The following DAB1 variants were observed in gnomAD, a reference collection of about 807,000 sequenced individuals.
DAB1 encodes the protein disabled homolog 1.
Under a neutral mutation model 64.6 loss-of-function variants are expected in DAB1, and 15 were observed. That is an observed-to-expected ratio of 0.23 (90% CI 0.16 to 0.36). DAB1 has a LOEUF of 0.36. Ranked by LOEUF, DAB1 falls within the 10% of genes least tolerant of loss-of-function variation. The pLI, the probability that DAB1 is intolerant of heterozygous loss-of-function variation, is 1.00. For missense variants in DAB1, 596 were observed against 706.7 expected, an observed-to-expected ratio of 0.84 and a Z score of 1.78; for synonymous variants, 235 against 251.9, an observed-to-expected ratio of 0.93 and a Z score of 0.64.
chr1:57,840,856 T>C (rs1045122485), intron 1 of DAB1, among the ~76,000 whole-genome samples: 9 of 152,170 alleles, frequency 5.9e-5, no homozygotes, highest in Non-Finnish European at 1.3e-4. Flanking sequence ...AACCAAACCA[T>C]ATCATTCCAC....
intron 4 of DAB1, among the ~76,000 whole-genome samples, chr1:58,318,040 G>C (rs1237810426): frequency 6.6e-6 from 1 of 152,160 alleles, no homozygotes; most frequent in Non-Finnish European, 1.5e-5. Flanking sequence ...ATTAAAGCAA[G>C]GTTAGGGATC....
intron 5 of DAB1, among the ~76,000 whole-genome samples, chr1:57,912,071 T>A (rs915833566): frequency 7.9e-5 from 12 of 152,216 alleles, no homozygotes; most frequent in African/African-American, 2.7e-4. Flanking sequence ...AAGGTTGTTT[T>A]AAAAGTTAAT....
chr1:58,302,871 A>T (rs1473160216), intron 4 of DAB1, among the ~76,000 whole-genome samples: 1 of 152,092 alleles, frequency 6.6e-6, no homozygotes, highest in East Asian at 1.9e-4. Flanking sequence ...CTTTGGCATC[A>T]CCCAGACCAG....
intron 5 of DAB1, among the ~76,000 whole-genome samples, chr1:57,930,518 G>A (rs538341617): frequency 2.3e-4 from 35 of 152,276 alleles, no homozygotes; most frequent in Admixed American, 5.9e-4. Flanking sequence ...TGAACATGAA[G>A]TATCTCTTCA....
chr1:57,956,700 T>C (rs893312386), intron 5 of DAB1, among the ~76,000 whole-genome samples: 4 of 152,128 alleles, frequency 2.6e-5, no homozygotes, highest in African/African-American at 7.2e-5. Context: ...TCGACCAAAA[T>C]AGAGAAGAAG....
chr1:57,057,843 C>T (rs7529974), intron 9 of DAB1, among the ~76,000 whole-genome samples: 3,257 of 152,026 alleles, frequency 0.021, 120 homozygotes, highest in African/African-American at 0.074. Context: ...CTCCTGACCT[C>T]CTGATCCGCC....
intron 2 of DAB1, among the ~76,000 whole-genome samples, chr1:57,243,037 G>C (rs774077066): frequency 2.0e-5 from 3 of 152,138 alleles, no homozygotes; most frequent in Non-Finnish European, 4.4e-5. Flanking sequence ...GAAATGGGTT[G>C]TTACCAGCAC....
intron 5 of DAB1, among the ~76,000 whole-genome samples, chr1:57,906,962 AG>A: frequency 6.6e-6 from 1 of 152,126 alleles, no homozygotes; most frequent in Non-Finnish European, 1.5e-5. Flanking sequence ...ATAGATAGAT[AG>A]ATAGATAGAT....
chr1:57,057,887 C>T (rs550695384), intron 9 of DAB1, among the ~76,000 whole-genome samples: 74 of 152,208 alleles, frequency 4.9e-4, no homozygotes, highest in African/African-American at 9.6e-4. Context: ...GGATTACAGG[C>T]ATGAGCCACC....
chr1:58,213,079 A>G (rs1658639549), intron 4 of DAB1, among the ~76,000 whole-genome samples: 1 of 152,220 alleles, frequency 6.6e-6, no homozygotes, highest in Admixed American at 6.5e-5. Flanking sequence ...ATTTTAAGGT[A>G]AGGACTTGAT....
chr1:58,466,199 G>A (rs1344545910), intron 3 of DAB1, among the ~76,000 whole-genome samples: 1 of 152,156 alleles, frequency 6.6e-6, no homozygotes, highest in East Asian at 1.9e-4. Context: ...GACTCCTCTC[G>A]TGGGCAACCT....
intron 5 of DAB1, among the ~76,000 whole-genome samples, chr1:58,130,871 C>G (rs1653508322): frequency 6.6e-6 from 1 of 152,100 alleles, no homozygotes; most frequent in Non-Finnish European, 1.5e-5. Flanking sequence ...CCCGACCTTT[C>G]TCTCTGGCTG....
At chr1:57,439,723 G>T (rs59909349) in intron 7 of DAB1, among the ~76,000 whole-genome samples, 5,793 of 151,196 alleles carry the variant, frequency 0.038, 139 homozygotes, top group South Asian at 0.059. Flanking sequence ...CACCGCACCC[G>T]GCCAGTGATG....
intron 1 of DAB1, among the ~76,000 whole-genome samples, chr1:57,828,824 T>G (rs1001736033): frequency 6.6e-6 from 1 of 152,194 alleles, no homozygotes; most frequent in Non-Finnish European, 1.5e-5. Context: ...TTTTACACTC[T>G]TAGAAAAAAG....
At chr1:57,383,383 A>G (rs1681541056) in intron 1 of DAB1, among the ~76,000 whole-genome samples, 1 of 152,138 alleles carries the variant, frequency 6.6e-6, no homozygotes, top group Admixed American at 6.6e-5. Context: ...TAGCATAATG[A>G]AGAGCACAGA....
Position 57,690,374 on chromosome 1 carries a change from C to T in DAB1, n.552-40709G>A, listed in dbSNP as rs77269493. Among the ~76,000 whole-genome samples the T allele has an allele frequency of 2.3e-3, 345 of 152,162 alleles. 1 individual carries two copies. Among genetic ancestry groups the T allele is most frequent in the African/African-American group, 8.1e-3 (338 of 41,506 alleles). Reference sequence around the variant, plus strand: ...GTAATTGGATCACGGGGCAGATTTCCCTCTTGCTGTTCTCATGATAGTGAA... The same window carrying T: ...GTAATTGGATCACGGGGCAGATTTCTCTCTTGCTGTTCTCATGATAGTGAA... On this transcript the variant is annotated intron_variant and non_coding_transcript_variant, in intron 6 of 20. Transcript: ENST00000485760.
At chr1:57,501,026 C>A (rs567011792) in intron 7 of DAB1, among the ~76,000 whole-genome samples, 21 of 152,186 alleles carry the variant, frequency 1.4e-4, no homozygotes, top group African/African-American at 5.1e-4. Context: ...TCCCTTACAT[C>A]CTGACTGGTA....
At position 57,852,223 on chromosome 1, in the gene DAB1, GA is replaced by G. The variant is rs564010194; in HGVS notation, n.88-25769del. On this transcript the variant is annotated intron_variant and non_coding_transcript_variant, in intron 1 of 1. Coordinates refer to the DAB1 transcript ENST00000477280. ...AGGTGTCCTGCCCTGTTCCCTGGGGGAAAGGAATGCCACACAGAGAGGCCAA... is the reference window on the plus strand; with the variant it reads ...AGGTGTCCTGCCCTGTTCCCTGGGGGAAGGAATGCCACACAGAGAGGCCAA... Among the ~76,000 whole-genome samples, 194 of 152,276 alleles carry G rather than the reference GA, an allele frequency of 1.3e-3. 1 individual carries two copies. Among genetic ancestry groups the G allele is most frequent in the African/African-American group, 4.5e-3 (188 of 41,562 alleles).
chr1:58,186,912 G>C (rs1269545484), intron 4 of DAB1, among the ~76,000 whole-genome samples: 4 of 152,150 alleles, frequency 2.6e-5, no homozygotes, highest in Non-Finnish European at 4.4e-5. Context: ...TTAAGCCTCT[G>C]CTTGTATCAC....
Sources: gnomAD v4.1 joint callset for allele counts (sites outside exome capture counted in the v4.1 genomes callset) on GRCh38, gnomAD v4.1.1 for gene constraint, MANE v1.5 for transcripts, NCBI Gene and HGNC (gene_info 2026-07-23, HGNC 2026-07-21) for gene names.